PTPRD: variants seen among roughly 807,000 people sequenced by gnomAD.
PTPRD encodes receptor-type tyrosine-protein phosphatase delta.
Under a neutral mutation model 214.5 loss-of-function variants are expected in PTPRD, and 34 were observed. The observed-to-expected ratio is 0.16, with a 90% CI of 0.12 to 0.21. The LOEUF (loss-of-function observed/expected upper bound fraction) is 0.21, where lower values mean the gene tolerates loss of function less well. PTPRD is among the 10% of genes least tolerant of loss of function. PTPRD has a pLI of 1.00. For missense variants in PTPRD, 2,545 were observed against 2,398.7 expected, an observed-to-expected ratio of 1.06 and a Z score of -1.27; for synonymous variants, 1,128 against 845.7, an observed-to-expected ratio of 1.33 and a Z score of -5.79.
intron 11 of PTPRD, among the ~76,000 whole-genome samples, chr9:8,760,831 A>G (rs1486399197): frequency 6.6e-6 from 1 of 152,222 alleles, no homozygotes. Flanking sequence ...CAAGTAAAGT[A>G]GAAAGTAAAT....
intron 2 of PTPRD, among the ~76,000 whole-genome samples, chr9:10,497,462 A>G (rs2133052093): frequency 6.6e-6 from 1 of 152,130 alleles, no homozygotes; most frequent in Admixed American, 6.6e-5. Context: ...ATGCTCAAGA[A>G]ATCTAATTTA....
chr9:9,470,946 G>C (rs1176725295), intron 8 of PTPRD, among the ~76,000 whole-genome samples: 1 of 152,128 alleles, frequency 6.6e-6, no homozygotes, highest in Non-Finnish European at 1.5e-5. Flanking sequence ...TTAGACTGTA[G>C]TATCTGGATC....
intron 35 of PTPRD, among the ~76,000 whole-genome samples, chr9:8,411,807 T>G (rs2093555361): frequency 6.6e-6 from 1 of 152,216 alleles, no homozygotes; most frequent in Non-Finnish European, 1.5e-5. Context: ...TTATAGGTGA[T>G]GTTCTTTTTT....
intron 12 of PTPRD, among the ~76,000 whole-genome samples, chr9:8,663,174 T>C (rs2097098604): frequency 6.6e-6 from 1 of 151,492 alleles, no homozygotes; most frequent in Admixed American, 6.6e-5. Flanking sequence ...TTTTAAATAA[T>C]ATACTTCTTA....
At chr9:8,593,955 T>G (rs1229099800) in intron 14 of PTPRD, among the ~76,000 whole-genome samples, 1 of 152,212 alleles carries the variant, frequency 6.6e-6, no homozygotes, top group African/African-American at 2.4e-5. Flanking sequence ...AGGATACATA[T>G]ATATGCATAT....
At chr9:10,599,621 A>G (rs2077475250) in intron 2 of PTPRD, among the ~76,000 whole-genome samples, 1 of 151,800 alleles carries the variant, frequency 6.6e-6, no homozygotes, top group South Asian at 2.1e-4. Flanking sequence ...CAAATATTGC[A>G]ACATTTTCTT....
intron 11 of PTPRD, among the ~76,000 whole-genome samples, chr9:8,792,058 G>T (rs757983153): frequency 6.6e-6 from 1 of 152,022 alleles, no homozygotes; most frequent in East Asian, 1.9e-4. Flanking sequence ...TCTTAAGGGC[G>T]GAAAAAAAGC....
chr9:9,975,014 G>T (rs1366899080), intron 4 of PTPRD, among the ~76,000 whole-genome samples: 1 of 151,902 alleles, frequency 6.6e-6, no homozygotes. Flanking sequence ...GACAATAAAT[G>T]CTCAAAATTT....
At chr9:9,502,134 C>G (rs1364439226) in intron 8 of PTPRD, among the ~76,000 whole-genome samples, 1 of 151,818 alleles carries the variant, frequency 6.6e-6, no homozygotes, top group Non-Finnish European at 1.5e-5. Context: ...TATATGAACA[C>G]TTAAGAGCTA....
chr9:10,171,192 T>C (rs1221324551), intron 3 of PTPRD, among the ~76,000 whole-genome samples: 1 of 152,162 alleles, frequency 6.6e-6, no homozygotes, highest in Non-Finnish European at 1.5e-5. Context: ...TAAATACTCA[T>C]TTTACCCATT....
chr9:10,190,097 T>G (rs1387590987), intron 3 of PTPRD, among the ~76,000 whole-genome samples: 1 of 151,902 alleles, frequency 6.6e-6, no homozygotes, highest in Non-Finnish European at 1.5e-5. Context: ...CCAGGCGCGG[T>G]GGGTCACGCC....
At chr9:10,150,728 G>A (rs1156843998) in intron 3 of PTPRD, among the ~76,000 whole-genome samples, 1 of 151,700 alleles carries the variant, frequency 6.6e-6, no homozygotes, top group Non-Finnish European at 1.5e-5. Context: ...AAGAAATGGT[G>A]AAATAAATCC....
At chr9:8,717,549 A>G (rs1435674085) in intron 12 of PTPRD, among the ~76,000 whole-genome samples, 2 of 152,312 alleles carry the variant, frequency 1.3e-5, no homozygotes, top group East Asian at 3.9e-4. Flanking sequence ...GACCTATTGA[A>G]AATTCAAGTC....
intron 13 of PTPRD, among the ~76,000 whole-genome samples, chr9:8,634,058 C>G (rs2154322267): frequency 6.6e-6 from 1 of 152,004 alleles, no homozygotes; most frequent in East Asian, 1.9e-4. Context: ...AGTATTTGTT[C>G]TAGCTTAGCA....
chr9:9,436,910 C>T (rs1415130403), intron 8 of PTPRD, among the ~76,000 whole-genome samples: 2 of 150,744 alleles, frequency 1.3e-5, no homozygotes, highest in African/African-American at 2.4e-5. Flanking sequence ...AGCCTGTCTA[C>T]GATACCTGAA....
At chr9:9,120,366 G>C (rs1467995469) in intron 10 of PTPRD, among the ~76,000 whole-genome samples, 1 of 152,154 alleles carries the variant, frequency 6.6e-6, no homozygotes, top group Non-Finnish European at 1.5e-5. Flanking sequence ...GGCACTTGTG[G>C]TGCTTTAGAA....
At chr9:10,363,959 A>G (rs960280657) in intron 2 of PTPRD, among the ~76,000 whole-genome samples, 12 of 131,530 alleles carry the variant, frequency 9.1e-5, no homozygotes, top group African/African-American at 8.9e-5. Flanking sequence ...CCCAATCAAT[A>G]TGTACTATTA....
At chr9:8,390,594 C>A (rs921660008) in intron 36 of PTPRD, among the ~76,000 whole-genome samples, 1 of 152,134 alleles carries the variant, frequency 6.6e-6, no homozygotes, top group Non-Finnish European at 1.5e-5. Context: ...TTCACCTTTG[C>A]TACCCTAATG....
intron 4 of PTPRD, among the ~76,000 whole-genome samples, chr9:10,004,468 T>G (rs1036392462): frequency 1.3e-5 from 2 of 152,016 alleles, no homozygotes; most frequent in African/African-American, 4.8e-5. Context: ...TCATTTTCTT[T>G]TCTTTTCACA....
Sources: gnomAD v4.1 joint callset for allele counts (sites outside exome capture counted in the v4.1 genomes callset) on GRCh38, gnomAD v4.1.1 for gene constraint, MANE v1.5 for transcripts, NCBI Gene and HGNC (gene_info 2026-07-23, HGNC 2026-07-21) for gene names.